C2orf66: variants seen among roughly 807,000 people sequenced by gnomAD.
C2orf66 encodes the protein uncharacterized protein C2orf66.
A neutral mutation model predicts 7.0 loss-of-function variants in C2orf66; 6 were observed. That is an observed-to-expected ratio of 0.86 (90% confidence interval 0.47 to 1.69). The LOEUF is 1.69. Ranked by LOEUF, C2orf66 falls within the 40% of genes most tolerant of loss-of-function variation. The pLI is 0.01. For synonymous variants in C2orf66, 38 were observed against 43.8 expected (o/e 0.87, Z 0.52); for missense variants, 107 against 112.0 (o/e 0.96, Z 0.20).
At chr2:196,811,379 A>G (rs1314032584), upstream of C2orf66, among the ~76,000 whole-genome samples, 4 of 152,110 alleles carry the variant, frequency 2.6e-5, no homozygotes, top group Non-Finnish European at 5.9e-5. Flanking sequence ...TTAGGTGGTT[A>G]CACAGTAGTC....
At chr2:196,805,764 A>C (rs1224383261) in intron 2 of C2orf66, among the ~76,000 whole-genome samples, 1 of 152,200 alleles carries the variant, frequency 6.6e-6, no homozygotes, top group African/African-American at 2.4e-5. Flanking sequence ...ACAGATGAAG[A>C]AGCCGAGGCT....
the C2orf66 span, among the ~76,000 whole-genome samples, chr2:196,816,319 C>A: frequency 0.25 from 38,481 of 152,062 alleles, 6,022 homozygotes; most frequent in African/African-American, 0.45. Flanking sequence ...AGTCAAACGA[C>A]GTTGGTTAAA....
upstream of C2orf66, chr2:196,809,696 A>G (rs181029941): frequency 1.3e-3 from 273 of 204,824 alleles, no homozygotes; most frequent in Middle Eastern, 1.9e-3. Flanking sequence ...AACAAAAAAC[A>G]AAACCTTAAA....
upstream of C2orf66, among the ~76,000 whole-genome samples, chr2:196,810,638 A>C (rs902308872): frequency 1.3e-5 from 2 of 152,240 alleles, no homozygotes; most frequent in African/African-American, 4.8e-5. Context: ...AAAATTTAGG[A>C]CAAGATATTT....
the C2orf66 span, among the ~76,000 whole-genome samples, chr2:196,816,240 G>A: frequency 1.1e-4 from 17 of 152,324 alleles, no homozygotes; most frequent in South Asian, 3.5e-3. Context: ...AGACCCAGAG[G>A]AGGTGAGGGT....
chr2:196,819,280 G>A, the C2orf66 span, among the ~76,000 whole-genome samples: 474 of 152,198 alleles, frequency 3.1e-3, 2 homozygotes, highest in Non-Finnish European at 4.9e-3. Flanking sequence ...AACCCTAAAT[G>A]TGATGCTATC....
the C2orf66 span, among the ~76,000 whole-genome samples, chr2:196,829,541 A>C: frequency 1.3e-5 from 2 of 151,434 alleles, no homozygotes; most frequent in Admixed American, 1.3e-4. Flanking sequence ...GTGAGCTAAC[A>C]TCCTGCCACT....
the C2orf66 span, among the ~76,000 whole-genome samples, chr2:196,831,663 C>G: frequency 6.6e-6 from 1 of 152,150 alleles, no homozygotes; most frequent in African/African-American, 2.4e-5. Context: ...TAATAATGGT[C>G]TTGCAAGATT....
the C2orf66 span, among the ~76,000 whole-genome samples, chr2:196,826,098 TAATAAGCACTGAC>T: frequency 4.1e-4 from 63 of 152,026 alleles, no homozygotes; most frequent in African/African-American, 1.4e-3. Context: ...CAAAAGAAAA[TAATAAGCACTGAC>T]ACTTCTACTC....
the C2orf66 span, among the ~76,000 whole-genome samples, chr2:196,820,807 G>A: frequency 6.6e-6 from 1 of 152,300 alleles, no homozygotes; most frequent in African/African-American, 2.4e-5. Context: ...CTGAGAATTT[G>A]GGCTTCCTAA....
At chr2:196,809,476 A>G (rs1390767125), upstream of C2orf66, 1 of 1,219,572 alleles carries the variant, frequency 8.2e-7, no homozygotes, top group Non-Finnish European at 1.2e-6. Flanking sequence ...GGTTTATCTA[A>G]GTTTTACAGC....
At chr2:196,809,152 G>T (rs1699846368) in intron 1 of C2orf66, 62 bp downstream of exon 1, 1 of 1,490,654 alleles carries the variant, frequency 6.7e-7, no homozygotes. Flanking sequence ...AGAATGCTGT[G>T]TGCGTAAATC....
At chr2:196,810,442 T>G (rs1699863495), upstream of C2orf66, among the ~76,000 whole-genome samples, 1 of 152,344 alleles carries the variant, frequency 6.6e-6, no homozygotes, top group African/African-American at 2.4e-5. Context: ...AAGTTTTAAA[T>G]AGTGGCATCA....
the C2orf66 span, among the ~76,000 whole-genome samples, chr2:196,826,463 T>C: frequency 2.0e-5 from 3 of 152,208 alleles, no homozygotes; most frequent in African/African-American, 7.2e-5. Context: ...TTTCCCTTTA[T>C]GGTATTCTAT....
At chr2:196,814,958 T>A in the C2orf66 span, among the ~76,000 whole-genome samples, 1,145 of 152,180 alleles carry the variant, frequency 7.5e-3, 9 homozygotes, top group Middle Eastern at 0.027. Flanking sequence ...GTTAAAAAAA[T>A]TAATTCCTTT....
intron 1 of C2orf66, among the ~76,000 whole-genome samples, chr2:196,808,544 G>A (rs1024573072): frequency 2.6e-5 from 4 of 152,138 alleles, no homozygotes; most frequent in Admixed American, 6.5e-5. Flanking sequence ...TCCTGTTTTC[G>A]TCAGCAGCTG....
chr2:196,813,674 A>G (rs1430913925), upstream of C2orf66, among the ~76,000 whole-genome samples: 1 of 152,188 alleles, frequency 6.6e-6, no homozygotes, highest in South Asian at 2.1e-4. Flanking sequence ...TTTGCAATCT[A>G]TCTATCTGAC....
the C2orf66 span, among the ~76,000 whole-genome samples, chr2:196,820,264 TCC>T: frequency 7.8e-3 from 1,186 of 152,282 alleles, 8 homozygotes; most frequent in Middle Eastern, 0.017. Context: ...TATTTGTTTT[TCC>T]CCTCCAGGGA....
At chr2:196,820,884 A>G in the C2orf66 span, among the ~76,000 whole-genome samples, 3 of 152,230 alleles carry the variant, frequency 2.0e-5, no homozygotes, top group Non-Finnish European at 4.4e-5. Context: ...CCCACCCCAA[A>G]GACATCAAGC....
Sources: allele counts gnomAD v4.1 joint callset (sites outside exome capture counted in the v4.1 genomes callset), GRCh38; gene constraint gnomAD v4.1.1; transcripts MANE v1.5; gene names NCBI Gene and HGNC (gene_info 2026-07-23, HGNC 2026-07-21).